SDK1: variants seen among roughly 807,000 people sequenced by gnomAD.
SDK1 encodes the protein sidekick cell adhesion molecule 1, also known as protein sidekick-1.
SDK1 carries 157 observed loss-of-function variants against 245.5 expected under a neutral mutation model. That is an observed-to-expected ratio of 0.64 (90% CI 0.56 to 0.73). The LOEUF is 0.73. Among genes scored for constraint, SDK1 ranks in the 30% least tolerant of loss-of-function variants. The probability of loss-of-function intolerance (pLI) is 0.00; values close to 1 mark genes in which losing one functional copy is unlikely to be tolerated. For missense variants in SDK1, 3,583 were observed against 3,002.3 expected (o/e 1.19, Z -4.52); for synonymous variants, 1,647 against 1,278.5 (o/e 1.29, Z -6.15).
At chr7:4,107,313 G>A (rs1489698407) in intron 22 of SDK1, among the ~76,000 whole-genome samples, 1 of 152,070 alleles carries the variant, frequency 6.6e-6, no homozygotes, top group Non-Finnish European at 1.5e-5. Context: ...GCAAGGACCC[G>A]GAAGGCAGGA....
intron 2 of SDK1, among the ~76,000 whole-genome samples, chr7:3,625,349 T>C (rs1183711552): frequency 6.6e-6 from 1 of 152,216 alleles, no homozygotes; most frequent in East Asian, 1.9e-4. Flanking sequence ...CTTAATCTTA[T>C]AAGTTAAAAG....
At chr7:3,990,453 C>T (rs1176423458) in intron 14 of SDK1, among the ~76,000 whole-genome samples, 2 of 152,228 alleles carry the variant, frequency 1.3e-5, no homozygotes, top group Non-Finnish European at 2.9e-5. Flanking sequence ...CGGGGAAGGC[C>T]AGGGTGTTAC....
chr7:4,223,618 G>A (rs919103600), intron 40 of SDK1, among the ~76,000 whole-genome samples: 6 of 152,216 alleles, frequency 3.9e-5, no homozygotes, highest in Middle Eastern at 6.8e-3. Flanking sequence ...TTATGAGGAC[G>A]CCAGTCATAC....
chr7:3,601,792 G>A (rs887953796), intron 1 of SDK1, among the ~76,000 whole-genome samples: 10 of 150,152 alleles, frequency 6.7e-5, no homozygotes, highest in African/African-American at 2.5e-4. Context: ...TCGTCATTTA[G>A]CATTAGGTAT....
intron 1 of SDK1, among the ~76,000 whole-genome samples, chr7:3,450,063 G>A (rs1470229335): frequency 6.6e-6 from 1 of 152,228 alleles, no homozygotes; most frequent in Admixed American, 6.5e-5. Flanking sequence ...GTTGAGGGTG[G>A]TTGGAGGGAG....
In SDK1 at chr7:3,791,353, C is replaced by T. The variant is rs141422665; in HGVS notation, c.714-30097C>T. Among the ~76,000 whole-genome samples, 647 of 152,238 alleles carry T rather than the reference C, an allele frequency of 4.2e-3. 7 individuals carry two copies. The highest frequency in any genetic ancestry group is 0.015 in the African/African-American group (625 of 41,534). ...GAACTGTTTTGAATTATTTAGGTAT[C>T]GGGGCTCCGTATTTTACAAGAAGCT... On this transcript the variant is annotated intron_variant, in intron 4 of 44. Transcript: ENST00000404826.
chr7:3,529,393 T>C (rs1055447928), intron 1 of SDK1, among the ~76,000 whole-genome samples: 1 of 152,188 alleles, frequency 6.6e-6, no homozygotes, highest in East Asian at 1.9e-4. Context: ...AAACTATCTG[T>C]GCTAGAAAGT....
At chr7:3,411,206 G>A (rs1779189950) in intron 1 of SDK1, among the ~76,000 whole-genome samples, 1 of 152,114 alleles carries the variant, frequency 6.6e-6, no homozygotes, top group African/African-American at 2.4e-5. Context: ...ATAAGAGGAA[G>A]AATCATGTAG....
At chr7:3,669,902 C>G (rs566716817) in intron 4 of SDK1, among the ~76,000 whole-genome samples, 8 of 152,160 alleles carry the variant, frequency 5.3e-5, no homozygotes. Context: ...TTACTCCTGG[C>G]TCTCCTTTCT....
chr7:3,770,246 C>T (rs1408824116), intron 4 of SDK1, among the ~76,000 whole-genome samples: 1 of 152,274 alleles, frequency 6.6e-6, no homozygotes, highest in African/African-American at 2.4e-5. Context: ...TTTTCCCTCT[C>T]AGTGTAATTC....
At chr7:3,896,036 A>C (rs13245096) in intron 5 of SDK1, among the ~76,000 whole-genome samples, 29,649 of 152,070 alleles carry the variant, frequency 0.19, 3,042 homozygotes, top group Middle Eastern at 0.33. Context: ...ACTTAAAAAG[A>C]ATTTGTATTT....
chr7:3,561,509 C>T (rs575121441), intron 1 of SDK1, among the ~76,000 whole-genome samples: 4 of 152,220 alleles, frequency 2.6e-5, no homozygotes, highest in African/African-American at 9.6e-5. Context: ...ACTGTTTTCC[C>T]TGTGGGTAGG....
At chr7:3,477,257 G>A (rs1391065130) in intron 1 of SDK1, among the ~76,000 whole-genome samples, 6 of 141,224 alleles carry the variant, frequency 4.2e-5, no homozygotes, top group Non-Finnish European at 7.6e-5. Context: ...GTGCAGCGGC[G>A]CGATCTTGGC....
intron 5 of SDK1, among the ~76,000 whole-genome samples, chr7:3,884,706 C>T (rs183099002): frequency 6.6e-6 from 1 of 152,342 alleles, no homozygotes; most frequent in East Asian, 1.9e-4. Context: ...AGCTCCAGCT[C>T]CCAGGAACTA....
At chr7:3,394,639 T>A (rs1427701970) in intron 1 of SDK1, among the ~76,000 whole-genome samples, 1 of 152,112 alleles carries the variant, frequency 6.6e-6, no homozygotes, top group Admixed American at 6.6e-5. Context: ...ATATTGAGTC[T>A]TTCGATCCAT....
chr7:3,422,234 G>A (rs1267683204), intron 1 of SDK1, among the ~76,000 whole-genome samples: 1 of 152,020 alleles, frequency 6.6e-6, no homozygotes, highest in Non-Finnish European at 1.5e-5. Flanking sequence ...TCTTACATAG[G>A]TGGTCAGAGG....
At chr7:3,792,819 T>C (rs917019122) in intron 4 of SDK1, among the ~76,000 whole-genome samples, 2 of 152,174 alleles carry the variant, frequency 1.3e-5, no homozygotes, top group Admixed American at 6.6e-5. Flanking sequence ...CTCTCACTCT[T>C]GAGCTTGTTG....
Position 3,951,980 on chromosome 7 carries a change from C to G in SDK1, c.1150+60C>G, listed in dbSNP as rs1780869870. 7.5e-6 allele frequency: 11 copies of G among 1,460,010 alleles called. 1 individual carries two copies. The East Asian group carries it at 2.5e-4, about 33-fold the overall frequency. The allele number at this position is 1,460,010 out of a possible 1,614,324, so 90.4% of individuals were successfully genotyped here. A position where few individuals can be genotyped will look rare whatever the true frequency, so the allele number is the denominator to read the frequency against. ...TCTCAGATAGCATCCGACACTGACTCTTCTGCAGAAACAAAATAGCGTATT... is the reference window on the plus strand; with the variant it reads ...TCTCAGATAGCATCCGACACTGACTGTTCTGCAGAAACAAAATAGCGTATT... On this transcript the variant is annotated intron_variant, in intron 7 of 44. Coordinates refer to ENST00000404826, the MANE Select transcript of SDK1 (RefSeq NM_152744.4).
intron 28 of SDK1, among the ~76,000 whole-genome samples, chr7:4,136,327 G>T (rs1029619607): frequency 6.6e-6 from 1 of 152,186 alleles, no homozygotes; most frequent in African/African-American, 2.4e-5. Flanking sequence ...ATTCAGATGG[G>T]TGTTCACAGG....
Sources: gnomAD v4.1 joint callset for allele counts (sites outside exome capture counted in the v4.1 genomes callset) on GRCh38, gnomAD v4.1.1 for gene constraint, MANE v1.5 for transcripts, NCBI Gene and HGNC (gene_info 2026-07-23, HGNC 2026-07-21) for gene names.